The following CCDC171 variants were observed in gnomAD, a reference collection of about 807,000 sequenced individuals.
The protein encoded by CCDC171 is coiled-coil domain-containing protein 171.
A neutral mutation model predicts 168.2 loss-of-function variants in CCDC171; 177 were observed. That is an observed-to-expected ratio of 1.05 (90% confidence interval 0.93 to 1.19). CCDC171 has a LOEUF of 1.19. CCDC171 is among the 50% of genes most tolerant of loss of function. The probability of loss-of-function intolerance (pLI) is 0.00; values close to 1 mark genes in which losing one functional copy is unlikely to be tolerated. For synonymous variants in CCDC171, 687 were observed against 540.8 expected (o/e 1.27, Z -3.75); for missense variants, 1,991 against 1,539.0 (o/e 1.29, Z -4.91).
intron 3 of CCDC171, among the ~76,000 whole-genome samples, chr9:16,014,467 C>G (rs1286345067): frequency 2.0e-5 from 3 of 152,194 alleles, no homozygotes; most frequent in Non-Finnish European, 4.4e-5. Context: ...GACCTCCACC[C>G]ATGAATTACT....
intron 3 of CCDC171, among the ~76,000 whole-genome samples, chr9:16,008,598 C>T (rs1403716715): frequency 6.6e-6 from 1 of 152,170 alleles, no homozygotes; most frequent in Non-Finnish European, 1.5e-5. Context: ...ATGCAGCCCT[C>T]TCTCTTTCTG....
chr9:15,920,467 G>A (rs766684800), intron 25 of CCDC171, 45 bp downstream of exon 25: 1 of 1,364,688 alleles, frequency 7.3e-7, no homozygotes, highest in East Asian at 2.4e-5. Flanking sequence ...TTGAATCTTG[G>A]GTTACATTTA....
At chr9:15,814,383 G>A (rs370375771) in intron 21 of CCDC171, among the ~76,000 whole-genome samples, 48 of 152,242 alleles carry the variant, frequency 3.2e-4, no homozygotes, top group African/African-American at 1.0e-3. Flanking sequence ...ATGGGGTTGG[G>A]GAAGAGGAGT....
the CCDC171 span, among the ~76,000 whole-genome samples, chr9:16,092,939 A>T: frequency 2.6e-5 from 4 of 152,228 alleles, no homozygotes; most frequent in African/African-American, 9.6e-5. Context: ...GAGCTCTGCA[A>T]CATGGGTGGT....
At chr9:15,822,754 A>T (rs1481986039) in intron 21 of CCDC171, among the ~76,000 whole-genome samples, 3 of 152,202 alleles carry the variant, frequency 2.0e-5, no homozygotes, top group South Asian at 4.1e-4. Flanking sequence ...AAACTAGTTC[A>T]ACCATTGTGG....
intron 21 of CCDC171, among the ~76,000 whole-genome samples, chr9:15,785,713 AT>A (rs937706392): frequency 3.3e-5 from 5 of 152,034 alleles, no homozygotes; most frequent in African/African-American, 1.2e-4. Context: ...TAACTTACAC[AT>A]TTCTTAGTAA....
chr9:15,930,532 T>C (rs1363591884), intron 25 of CCDC171, among the ~76,000 whole-genome samples: 1 of 151,614 alleles, frequency 6.6e-6, no homozygotes, highest in Non-Finnish European at 1.5e-5. Context: ...TGGACATACA[T>C]AGACATAAAA....
intron 25 of CCDC171, among the ~76,000 whole-genome samples, chr9:15,947,943 T>C (rs1473879166): frequency 6.6e-6 from 1 of 151,948 alleles, no homozygotes; most frequent in Non-Finnish European, 1.5e-5. Context: ...TCATCTAGCA[T>C]TGGGTATATC....
At chr9:16,062,986 A>T (rs1346287548), downstream of CCDC171, among the ~76,000 whole-genome samples, 6 of 152,166 alleles carry the variant, frequency 3.9e-5, no homozygotes, top group Admixed American at 2.6e-4. Flanking sequence ...AGGAAGAATG[A>T]TGAGAAAGTA....
At chr9:15,889,326 G>A (rs553402770) in intron 24 of CCDC171, among the ~76,000 whole-genome samples, 12 of 152,216 alleles carry the variant, frequency 7.9e-5, no homozygotes, top group African/African-American at 2.6e-4. Flanking sequence ...AATTGTACTA[G>A]CATTATAAAA....
At chr9:15,578,560 G>A (rs1447593900) in intron 3 of CCDC171, among the ~76,000 whole-genome samples, 2 of 151,206 alleles carry the variant, frequency 1.3e-5, no homozygotes, top group African/African-American at 2.4e-5. Context: ...GTGAGCCACC[G>A]TGCCTGGCCA....
chr9:15,804,242 G>T (rs563206219), intron 21 of CCDC171, among the ~76,000 whole-genome samples: 1 of 152,054 alleles, frequency 6.6e-6, no homozygotes, highest in African/African-American at 2.4e-5. Flanking sequence ...TTGCCTGATT[G>T]CCCTGGCCAG....
intron 24 of CCDC171, among the ~76,000 whole-genome samples, chr9:15,903,462 G>A (rs974074389): frequency 1.3e-5 from 2 of 152,070 alleles, no homozygotes; most frequent in African/African-American, 4.8e-5. Flanking sequence ...CAGACCTTCA[G>A]CTGAGGGTCC....
chr9:16,065,087 T>C (rs1294580296), downstream of CCDC171, among the ~76,000 whole-genome samples: 1 of 152,204 alleles, frequency 6.6e-6, no homozygotes. Flanking sequence ...GCAGGCTGCC[T>C]CTACCTTGTA....
At chr9:15,697,416 T>G (rs969349814) in intron 11 of CCDC171, among the ~76,000 whole-genome samples, 1 of 152,238 alleles carries the variant, frequency 6.6e-6, no homozygotes, top group Non-Finnish European at 1.5e-5. Context: ...TAAACTATCT[T>G]GCTGATGACC....
intron 6 of CCDC171, among the ~76,000 whole-genome samples, chr9:15,608,446 C>G (rs2043381482): frequency 6.6e-6 from 1 of 152,102 alleles, no homozygotes; most frequent in African/African-American, 2.4e-5. Context: ...AGAAGAGTTT[C>G]TCTTCCTTTA....
intron 4 of CCDC171, among the ~76,000 whole-genome samples, chr9:15,590,631 C>T (rs1460461999): frequency 6.6e-6 from 1 of 152,162 alleles, no homozygotes; most frequent in Non-Finnish European, 1.5e-5. Context: ...CCAGCCTCAG[C>T]TTTGTGACCC....
chr9:16,028,047 A>T (rs1190472563), intron 6 of CCDC171, among the ~76,000 whole-genome samples: 1 of 152,190 alleles, frequency 6.6e-6, no homozygotes, highest in Non-Finnish European at 1.5e-5. Context: ...TAGCCTTGAC[A>T]CATAGGTTAA....
At chr9:15,851,349 A>T (rs2061119299) in intron 23 of CCDC171, among the ~76,000 whole-genome samples, 1 of 151,804 alleles carries the variant, frequency 6.6e-6, no homozygotes, top group South Asian at 2.1e-4. Flanking sequence ...TGTAAATTTT[A>T]TATTAATTTC....
Sources: allele counts gnomAD v4.1 joint callset (sites outside exome capture counted in the v4.1 genomes callset), GRCh38; gene constraint gnomAD v4.1.1; transcripts MANE v1.5; gene names NCBI Gene and HGNC (gene_info 2026-07-23, HGNC 2026-07-21).